PCDH9: variants seen among roughly 807,000 people sequenced by gnomAD.
The protein encoded by PCDH9 is protocadherin-9.
PCDH9 carries 24 observed loss-of-function variants against 70.6 expected under a neutral mutation model. That is an observed-to-expected ratio of 0.34 (90% CI 0.25 to 0.48). PCDH9 has a LOEUF of 0.48. PCDH9 is among the 20% of genes least tolerant of loss of function. PCDH9 has a pLI of 0.99. For synonymous variants in PCDH9, 562 were observed against 558.5 expected (o/e 1.01, Z -0.09); for missense variants, 1,281 against 1,503.6 (o/e 0.85, Z 2.45).
At chr13:66,451,671 G>C (rs1449215259) in intron 4 of PCDH9, among the ~76,000 whole-genome samples, 1 of 152,108 alleles carries the variant, frequency 6.6e-6, no homozygotes, top group Non-Finnish European at 1.5e-5. Context: ...TCAATTCCCA[G>C]AAGTCACAAA....
chr13:66,965,766 A>G (rs547267554), intron 2 of PCDH9, among the ~76,000 whole-genome samples: 1 of 152,194 alleles, frequency 6.6e-6, no homozygotes, highest in South Asian at 2.1e-4. Context: ...TAACATTATT[A>G]CCATATTAAT....
At chr13:66,736,678 C>T (rs1037971836) in intron 3 of PCDH9, among the ~76,000 whole-genome samples, 12 of 152,182 alleles carry the variant, frequency 7.9e-5, no homozygotes, top group Non-Finnish European at 1.6e-4. Flanking sequence ...CTGGTCATTG[C>T]AACATTTTTA....
chr13:66,590,549 G>A (rs554431125), intron 4 of PCDH9, among the ~76,000 whole-genome samples: 1 of 151,800 alleles, frequency 6.6e-6, no homozygotes, highest in Non-Finnish European at 1.5e-5. Context: ...GGGAATGAAG[G>A]TCCTTTCAAG....
At chr13:67,139,246 G>C (rs1227616152) in intron 2 of PCDH9, among the ~76,000 whole-genome samples, 1 of 152,140 alleles carries the variant, frequency 6.6e-6, no homozygotes, top group Non-Finnish European at 1.5e-5. Context: ...AATCAAATTT[G>C]CTTCATTAAA....
At chr13:66,572,700 A>G (rs553369988) in intron 4 of PCDH9, among the ~76,000 whole-genome samples, 12 of 152,076 alleles carry the variant, frequency 7.9e-5, no homozygotes, top group African/African-American at 2.9e-4. Flanking sequence ...CTACGCATTG[A>G]TCTCCTTTCT....
chr13:66,413,368 T>C (rs1056428909), intron 4 of PCDH9, among the ~76,000 whole-genome samples: 5 of 152,190 alleles, frequency 3.3e-5, no homozygotes, highest in Non-Finnish European at 5.9e-5. Context: ...ATACAGATAT[T>C]TATTTTAGAT....
chr13:66,414,134 T>C (rs957252933), intron 4 of PCDH9, among the ~76,000 whole-genome samples: 1 of 152,232 alleles, frequency 6.6e-6, no homozygotes, highest in Non-Finnish European at 1.5e-5. Context: ...GTATTTTATG[T>C]AGTTCATTTA....
At chr13:66,876,744 T>C (rs990031028) in intron 3 of PCDH9, 5 of 152,146 alleles carry the variant, frequency 3.3e-5, no homozygotes, top group African/African-American at 1.2e-4. Context: ...TAAAATACTT[T>C]AAACATCAGC....
At chr13:66,497,859 C>T (rs967240573) in intron 4 of PCDH9, among the ~76,000 whole-genome samples, 10 of 146,120 alleles carry the variant, frequency 6.8e-5, no homozygotes, top group African/African-American at 2.5e-4. Flanking sequence ...CACTCTGTCA[C>T]CCAGGCTGGA....
chr13:66,616,320 T>C (rs2077355050), intron 4 of PCDH9, among the ~76,000 whole-genome samples: 2 of 152,106 alleles, frequency 1.3e-5, no homozygotes, highest in South Asian at 4.1e-4. Context: ...GAAACAATTA[T>C]TCTTACTGCA....
At chr13:66,347,091 G>C (rs759719113) in intron 4 of PCDH9, among the ~76,000 whole-genome samples, 1 of 152,092 alleles carries the variant, frequency 6.6e-6, no homozygotes, top group Non-Finnish European at 1.5e-5. Context: ...ACAATTATAA[G>C]TTACAGCTAG....
intron 2 of PCDH9, among the ~76,000 whole-genome samples, chr13:67,098,678 A>T (rs934203442): frequency 2.0e-5 from 3 of 152,110 alleles, no homozygotes; most frequent in Non-Finnish European, 2.9e-5. Flanking sequence ...TAGTAATAGG[A>T]AAGTGTGGTT....
At chr13:66,869,207 A>G (rs1171605202) in intron 3 of PCDH9, among the ~76,000 whole-genome samples, 1 of 152,124 alleles carries the variant, frequency 6.6e-6, no homozygotes, top group African/African-American at 2.4e-5. Context: ...GAGGTGATTG[A>G]AAGGTGACAA....
chr13:66,782,132 C>T (rs1333566239), intron 3 of PCDH9, among the ~76,000 whole-genome samples: 1 of 152,134 alleles, frequency 6.6e-6, no homozygotes, highest in African/African-American at 2.4e-5. Flanking sequence ...TTCCTCCCAG[C>T]CCCACTCTAT....
intron 4 of PCDH9, among the ~76,000 whole-genome samples, chr13:66,499,890 T>C (rs532407504): frequency 6.6e-6 from 1 of 152,312 alleles, no homozygotes; most frequent in South Asian, 2.1e-4. Flanking sequence ...GCCTGGCATC[T>C]TTCTTGCTCC....
intron 2 of PCDH9, among the ~76,000 whole-genome samples, chr13:66,928,138 T>A (rs1255677646): frequency 6.6e-6 from 1 of 152,090 alleles, no homozygotes; most frequent in Non-Finnish European, 1.5e-5. Flanking sequence ...GGGTTCCTTC[T>A]CAGTTTGCTG....
chr13:66,872,359 T>C (rs2081709150), intron 3 of PCDH9, among the ~76,000 whole-genome samples: 1 of 152,180 alleles, frequency 6.6e-6, no homozygotes, highest in Admixed American at 6.6e-5. Context: ...TCACATGCCC[T>C]TTTCAATTCT....
At chr13:67,200,080 C>A (rs558924323) in intron 2 of PCDH9, among the ~76,000 whole-genome samples, 1 of 152,162 alleles carries the variant, frequency 6.6e-6, no homozygotes, top group African/African-American at 2.4e-5. Flanking sequence ...TTATGATTAG[C>A]CATTTTTCAT....
At chr13:66,337,289 T>C (rs1020317394) in intron 4 of PCDH9, among the ~76,000 whole-genome samples, 1 of 152,026 alleles carries the variant, frequency 6.6e-6, no homozygotes, top group African/African-American at 2.4e-5. Context: ...ATCAACAAGA[T>C]TGCCCTGAAA....
Sources: gnomAD v4.1 joint callset for allele counts (sites outside exome capture counted in the v4.1 genomes callset) on GRCh38, gnomAD v4.1.1 for gene constraint, MANE v1.5 for transcripts, NCBI Gene and HGNC (gene_info 2026-07-23, HGNC 2026-07-21) for gene names.